Variants in ZFP36L2 observed in about 807,000 individuals in gnomAD.
ZFP36L2 encodes ZFP36 like 2 zinc finger CCCH-type.
In ZFP36L2, 16 loss-of-function variants were observed where a neutral mutation model predicts 27.9. The observed-to-expected ratio is 0.57, with a 90% CI of 0.39 to 0.87. The LOEUF is 0.87. Ranked by LOEUF, ZFP36L2 falls within the 40% of genes least tolerant of loss-of-function variation. The probability of loss-of-function intolerance (pLI) is 0.00; values close to 1 mark genes in which losing one functional copy is unlikely to be tolerated. For synonymous variants in ZFP36L2, 600 were observed against 363.8 expected (o/e 1.65, Z -7.39); for missense variants, 989 against 726.9 (o/e 1.36, Z -4.15).
In ZFP36L2 at chr2:43,224,005, T is replaced by G. The variant is rs541238158; in HGVS notation, c.*314A>C. The G allele has an allele frequency of 5.3e-3, 1,333 of 250,990 alleles. 4 individuals are homozygous for G. The highest frequency in any genetic ancestry group is 7.7e-3 in the Non-Finnish European group (1,026 of 132,880). The allele number at this position is 250,990 out of a possible 1,614,324, so 15.5% of individuals were successfully genotyped here. A position where few individuals can be genotyped will look rare whatever the true frequency, so the allele number is the denominator to read the frequency against. On this transcript the variant is annotated 3_prime_UTR_variant, in exon 2 of 2. Coordinates refer to ENST00000282388, the MANE Select transcript of ZFP36L2 (RefSeq NM_006887.5). Reference sequence around the variant, plus strand: ...AAAGTTTAAGTGTTTTTTTTTTTTTTTTGTTCTATTCGTATCACAACTGCC... The same window carrying G: ...AAAGTTTAAGTGTTTTTTTTTTTTTGTTGTTCTATTCGTATCACAACTGCC...
At position 43,225,375 on chromosome 2, in the gene ZFP36L2, C is replaced by G. The variant is rs35842340; in HGVS notation, c.429G>C (p.Gly143=). 1,638 of 1,613,698 alleles carry G rather than the reference C, an allele frequency of 1.0e-3. 1 individual carries two copies. The highest frequency in any genetic ancestry group is 1.1e-3 in the Non-Finnish European group (1,306 of 1,179,976). Residue 143 remains glycine, a synonymous_variant, in exon 2 of 2, where the codon GGG becomes GGC. Transcript: ENST00000282388. Reference sequence around the variant, plus strand: ...TGGAGTTGATCTGGGAGCCGCCGCCCCCCTTCTGCTGCTGCTGCAGGTGCA... The same window carrying G: ...TGGAGTTGATCTGGGAGCCGCCGCCGCCCTTCTGCTGCTGCTGCAGGTGCA... ...HLLHLQQQQK[G]GGGSQINSTR...
chr2:43,226,169 G>C (rs962121499), intron 1 of ZFP36L2, 96 bp downstream of exon 1: 28 of 1,491,864 alleles, frequency 1.9e-5, no homozygotes, highest in Non-Finnish European at 2.5e-5. Context: ...CGACCTGAAA[G>C]GCAGGGCGGG....
In ZFP36L2 at chr2:43,224,262, G is replaced by GAC. The variant is rs1667031821; in HGVS notation, c.*56_*57insGT. On this transcript the variant is annotated 3_prime_UTR_variant, in exon 2 of 2. Transcript: ENST00000282388. Reference sequence around the variant, plus strand: ...CCCAGCAAGGGCGAGATGGCGAGGGGTGTCCTCCAACATCTCTGAACCGCC... The same window carrying GAC: ...CCCAGCAAGGGCGAGATGGCGAGGGGACTGTCCTCCAACATCTCTGAACCGCC... 6.9e-7 allele frequency: 1 copy of GAC among 1,456,628 alleles called. No homozygotes were observed. Among genetic ancestry groups the GAC allele is most frequent in the Admixed American group, 2.3e-5 (1 of 43,728 alleles). The allele number at this position is 1,456,628 out of a possible 1,614,324, so 90.2% of individuals were successfully genotyped here.
chr2:43,224,797 C>T lies in ZFP36L2; in HGVS notation c.1007G>A (p.Gly336Asp), dbSNP rs990014604. ...AAAAAAALLY[G>D]TGGAEDLLAP... ...CAGCAGGTCCTCGGCGCCCCCGGTGCCGTACAGCAGAGCGGCCGCAGCCGC... is the reference window on the plus strand; with the variant it reads ...CAGCAGGTCCTCGGCGCCCCCGGTGTCGTACAGCAGAGCGGCCGCAGCCGC... Residue 336 changes from glycine to aspartate, a missense_variant, in exon 2 of 2, where the codon GGC becomes GAC. Coordinates refer to ENST00000282388, the MANE Select transcript of ZFP36L2 (RefSeq NM_006887.5). The T allele has an allele frequency of 2.7e-6, 4 of 1,457,016 alleles. No homozygotes were observed. Among genetic ancestry groups the T allele is most frequent in the African/African-American group, 1.5e-5 (1 of 67,776 alleles). 90.3% of individuals were successfully genotyped at this position (1,457,016 alleles called of 1,614,324 possible). A position where few individuals can be genotyped will look rare whatever the true frequency, so the allele number is the denominator to read the frequency against.
At position 43,225,137 on chromosome 2, in the gene ZFP36L2, G is replaced by A; in HGVS notation, c.667C>T (p.Pro223Ser). Residue 223 changes from proline to serine, a missense_variant, in exon 2 of 2, where the codon CCC (proline) becomes TCC (serine). Pro to Ser is a moderately conservative substitution (Grantham distance 74, BLOSUM62 -1). Transcript: ENST00000282388. ...HFIHNADERR[P>S]APSGGASGDL... The stretch of plus-strand genomic sequence containing the variant: ...CCGGAGGCGCCCCCCGACGGCGCGG[G>A]CCGCCGCTCGTCCGCGTTGTGGATG... The A allele has an allele frequency of 6.3e-7, 1 of 1,587,962 alleles. No homozygotes were observed. Among genetic ancestry groups the A allele is most frequent in the Non-Finnish European group, 8.5e-7 (1 of 1,175,566 alleles).
At position 43,224,619 on chromosome 2, in the gene ZFP36L2, C is replaced by T; in HGVS notation, c.1185G>A (p.Gln395=). 2.7e-6 allele frequency: 4 copies of T among 1,468,550 alleles called. No homozygotes were observed. The highest frequency in any genetic ancestry group is 2.7e-6 in the Non-Finnish European group (3 of 1,112,086). The allele number at this position is 1,468,550 out of a possible 1,614,324, so 91.0% of individuals were successfully genotyped here. A position where few individuals can be genotyped will look rare whatever the true frequency, so the allele number is the denominator to read the frequency against. ...AVAAAAYYRS[Q]QQQQQQGLAP... ...CCAGGCCCTGCTGCTGCTGCTGCTGCTGACTGCGGTAGTAGGCGGCGGCGG... is the reference window on the plus strand; with the variant it reads ...CCAGGCCCTGCTGCTGCTGCTGCTGTTGACTGCGGTAGTAGGCGGCGGCGG... The change falls in exon 2 of 2, where the codon CAG becomes CAA. Residue 395 remains glutamine, a synonymous_variant. Transcript: ENST00000282388.
Position 43,225,211 on chromosome 2 carries a change from C to T in ZFP36L2, c.593G>A (p.Arg198His). The T allele has an allele frequency of 3.7e-6, 6 of 1,604,536 alleles. No homozygotes were observed. The highest frequency in any genetic ancestry group is 5.1e-6 in the Non-Finnish European group (6 of 1,179,870). ...GCAGAAGCCGATGGTATGAAAGGTG[C>T]GGCACAGCTCGGTCTTGTACTTCGG... is the stretch of plus-strand genomic sequence containing the variant. ...RHPKYKTELC[R>H]TFHTIGFCPY... Residue 198 changes from arginine to histidine, a missense_variant, in exon 2 of 2, where the codon CGC becomes CAC. Arg to His is a conservative substitution (Grantham distance 29). Transcript: ENST00000282388.
rs1452058585 is a variant in ZFP36L2, at chr2:43,225,481, C to T, written c.323G>A (p.Gly108Asp). 1.9e-6 allele frequency: 3 copies of T among 1,606,326 alleles called. No individual in the cohort carries two copies. The highest frequency in any genetic ancestry group is 3.4e-5 in the Admixed American group (2 of 59,462). The change falls in exon 2 of 2, where the codon GGC (glycine) becomes GAC (aspartate). Residue 108 changes from glycine to aspartate, a missense_variant. Physicochemically the swap from Gly to Asp is moderately conservative, Grantham distance 94. Transcript: ENST00000282388. ...YGTLKEPSGG[G>D]GTALLNKENK... ...CTCCTTGTTGAGCAGGGCTGTGCCG[C>T]CGCCCCCCGACGGCTCCTTAAGGGT...
Position 43,225,381 on chromosome 2 carries a change from C to A in ZFP36L2, c.423G>T (p.Gln141His). Reference sequence around the variant, plus strand: ...TGATCTGGGAGCCGCCGCCCCCCTTCTGCTGCTGCTGCAGGTGCAGGAGGT... The same window carrying A: ...TGATCTGGGAGCCGCCGCCCCCCTTATGCTGCTGCTGCAGGTGCAGGAGGT... ...SQHLLHLQQQ[Q>H]KGGGGSQINS... The change falls in exon 2 of 2, where the codon CAG (glutamine) becomes CAT (histidine). Residue 141 changes from glutamine to histidine, a missense_variant. Transcript: ENST00000282388. The A allele has an allele frequency of 6.2e-7, 1 of 1,612,278 alleles. No individual in the cohort carries two copies. The highest frequency in any genetic ancestry group is 8.5e-7 in the Non-Finnish European group (1 of 1,179,336).
Position 43,226,345 on chromosome 2 carries a change from C to A in ZFP36L2, c.-30G>T. 6.4e-7 allele frequency: 1 copy of A among 1,564,066 alleles called. No homozygotes were observed. The highest frequency in any genetic ancestry group is 8.7e-7 in the Non-Finnish European group (1 of 1,153,624). ...CTGGATCCCGCAGTGGCCGGAGCGGCAGGCCGGGAGGTCGGGAGGAGCCCT... is the reference window on the plus strand; with the variant it reads ...CTGGATCCCGCAGTGGCCGGAGCGGAAGGCCGGGAGGTCGGGAGGAGCCCT... On this transcript the variant is annotated 5_prime_UTR_variant, in exon 1 of 2. Coordinates refer to ENST00000282388, the MANE Select transcript of ZFP36L2 (RefSeq NM_006887.5).
chr2:43,225,324 C>T lies in ZFP36L2; in HGVS notation c.480G>A (p.Arg160=), dbSNP rs1237483200. The T allele has an allele frequency of 1.9e-5, 31 of 1,613,132 alleles. No homozygotes were observed. Among genetic ancestry groups the T allele is most frequent in the Non-Finnish European group, 2.6e-5 (31 of 1,179,962 alleles). Residue 160 remains arginine (R), a synonymous_variant, in exon 2 of 2, where the codon CGG becomes CGA. Coordinates refer to ENST00000282388, the MANE Select transcript of ZFP36L2 (RefSeq NM_006887.5). The part of the protein sequence containing the change: ...NSTRYKTELC[R]PFEESGTCKY... ...TGCACGTGCCGCTCTCCTCGAAGGG[C>T]CGGCACAGCTCGGTCTTGTAGCGCG... is the stretch of plus-strand genomic sequence containing the variant.
chr2:43,222,736 T>A lies in ZFP36L2; in HGVS notation c.*1583A>T, dbSNP rs1250366619. ...ACAAGGCATATTCATGTACTACATA[T>A]TTCAGCACTAAGGCGGTTGCTTCAC... On this transcript the variant is annotated 3_prime_UTR_variant, in exon 2 of 2. Transcript: ENST00000282388. The A allele has an allele frequency of 2.0e-5, 3 of 152,384 alleles. No homozygotes were observed. Among genetic ancestry groups the A allele is most frequent in the Non-Finnish European group, 4.4e-5 (3 of 68,044 alleles). 9.4% of individuals were successfully genotyped at this position (152,384 alleles called of 1,614,324 possible).
chr2:43,226,215 G>C (rs372899666), intron 1 of ZFP36L2, 50 bp downstream of exon 1: 21 of 1,553,632 alleles, frequency 1.4e-5, no homozygotes, highest in Non-Finnish European at 1.7e-5. Context: ...CAGAGGCAAA[G>C]TCCAAGAACT....
rs915541823 is a variant in ZFP36L2 at position 43,222,765 on chromosome 2, A to C, written c.*1554T>G. On this transcript the variant is annotated 3_prime_UTR_variant, in exon 2 of 2. Coordinates refer to ENST00000282388, the MANE Select transcript of ZFP36L2 (RefSeq NM_006887.5). ...AGCACTAAGGCGGTTGCTTCACTTT[A>C]TATCTATATAAAAAAAGTGGTAAAA... 4 of 152,106 alleles carry C rather than the reference A, an allele frequency of 2.6e-5. No homozygotes were observed. The highest frequency in any genetic ancestry group is 7.3e-5 in the African/African-American group (3 of 41,310). 9.4% of individuals were successfully genotyped at this position (152,106 alleles called of 1,614,324 possible). A position where few individuals can be genotyped will look rare whatever the true frequency, so the allele number is the denominator to read the frequency against.
rs1667019370 is a variant in ZFP36L2 at position 43,223,768 on chromosome 2, T to C, written c.*551A>G. 1.3e-5 allele frequency: 2 copies of C among 150,612 alleles called. No homozygotes were observed. The highest frequency in any genetic ancestry group is 2.9e-5 in the Non-Finnish European group (2 of 67,826). 9.3% of individuals were successfully genotyped at this position (150,612 alleles called of 1,614,324 possible). A position where few individuals can be genotyped will look rare whatever the true frequency, so the allele number is the denominator to read the frequency against. ...CAAGGCATATTCTTGGCAGAATATA[T>C]TGGATTTTAAAAAGCTTATAGGTTT... On this transcript the variant is annotated 3_prime_UTR_variant, in exon 2 of 2. Coordinates refer to ENST00000282388, the MANE Select transcript of ZFP36L2 (RefSeq NM_006887.5).
intron 1 of ZFP36L2, 57 bp from the exon 2 acceptor site, chr2:43,225,809 G>C (rs1667086554): frequency 1.3e-6 from 2 of 1,505,492 alleles, no homozygotes; most frequent in African/African-American, 1.4e-5. Context: ...AGACAGACTC[G>C]GGGCGAGCCG....
At position 43,224,990 on chromosome 2, in the gene ZFP36L2, C is replaced by G. The variant is rs890439531; in HGVS notation, c.814G>C (p.Gly272Arg). The G allele has an allele frequency of 5.7e-6, 9 of 1,589,114 alleles. No individual in the cohort carries two copies. The highest frequency in any genetic ancestry group is 1.4e-5 in the African/African-American group (1 of 73,596). Residue 272 changes from glycine (G) to arginine (R), a missense_variant, in exon 2 of 2, where the codon GGC becomes CGC. Physicochemically the swap from Gly to Arg is moderately radical, Grantham distance 125. Transcript: ENST00000282388. ...AGCAGCAGCGGCGACTCGAGGCCGC[C>G]CGGGGGCTGATGGTGGCCCGACGGG... is the stretch of plus-strand genomic sequence containing the variant. Reference protein sequence around the residue: ...GFPSGHHQPPGGLESPLLLDS... With the variant: ...GFPSGHHQPPRGLESPLLLDS...
rs113934028 is a variant in ZFP36L2, at chr2:43,223,767, A to G, written c.*552T>C. ...TCAAGGCATATTCTTGGCAGAATAT[A>G]TTGGATTTTAAAAAGCTTATAGGTT... On this transcript the variant is annotated 3_prime_UTR_variant, in exon 2 of 2. Transcript: ENST00000282388. The G allele has an allele frequency of 6.7e-6, 1 of 149,736 alleles. No homozygotes were observed. Among genetic ancestry groups the G allele is most frequent in the African/African-American group, 2.5e-5 (1 of 39,404 alleles). The allele number at this position is 149,736 out of a possible 1,614,324, so 9.3% of individuals were successfully genotyped here. A position where few individuals can be genotyped will look rare whatever the true frequency, so the allele number is the denominator to read the frequency against.
At chr2:43,226,212 A>G (rs1342303819) in intron 1 of ZFP36L2, 53 bp downstream of exon 1, 3 of 1,552,416 alleles carry the variant, frequency 1.9e-6, no homozygotes, top group Non-Finnish European at 2.6e-6. Flanking sequence ...GGACAGAGGC[A>G]AAGTCCAAGA....
Sources: gnomAD v4.1 joint callset for allele counts on GRCh38, gnomAD v4.1.1 for gene constraint, MANE v1.5 for transcripts, NCBI Gene and HGNC (gene_info 2026-07-23, HGNC 2026-07-21) for gene names.